RPRD2: variants seen among roughly 807,000 people sequenced by gnomAD.
RPRD2 encodes the protein regulation of nuclear pre-mRNA domain-containing protein 2.
RPRD2 carries 12 observed loss-of-function variants against 104.4 expected under a neutral mutation model. The ratio of observed to expected loss-of-function variants is 0.11; its 90% CI spans 0.07 to 0.19. The LOEUF (loss-of-function observed/expected upper bound fraction) is 0.19. Among genes scored for constraint, RPRD2 ranks in the 10% least tolerant of loss-of-function variants. The pLI, the probability that RPRD2 is intolerant of heterozygous loss-of-function variation, is 1.00. For synonymous variants in RPRD2, 714 were observed against 684.9 expected, an observed-to-expected ratio of 1.04 and a Z score of -0.66; for missense variants, 1,543 against 1,790.1, an observed-to-expected ratio of 0.86 and a Z score of 2.49.
At chr1:150,452,661 C>CTTTTTT (rs782322743) in intron 7 of RPRD2, among the ~76,000 whole-genome samples, 94 of 71,230 alleles carry the variant, frequency 1.3e-3, no homozygotes, top group Non-Finnish European at 1.6e-3. Flanking sequence ...GACATATCCC[C>CTTTTTT]TTTTTTTTTT....
chr1:150,399,137 G>A (rs1230167791), intron 1 of RPRD2, among the ~76,000 whole-genome samples: 1 of 151,962 alleles, frequency 6.6e-6, no homozygotes, highest in Non-Finnish European at 1.5e-5. Flanking sequence ...GAGTAGCTGG[G>A]ATCACAGACG....
chr1:150,456,056 C>T (rs1194818573), intron 7 of RPRD2, among the ~76,000 whole-genome samples: 3 of 152,108 alleles, frequency 2.0e-5, no homozygotes, highest in African/African-American at 7.2e-5. Context: ...TCTTGAACTC[C>T]TGGCTTCAAG....
intron 1 of RPRD2, among the ~76,000 whole-genome samples, chr1:150,372,254 C>T (rs1033362985): frequency 6.6e-6 from 1 of 152,116 alleles, no homozygotes; most frequent in African/African-American, 2.4e-5. Context: ...TTATCAAACA[C>T]CTACTGTGCC....
chr1:150,385,869 A>G (rs1661525265), intron 1 of RPRD2, among the ~76,000 whole-genome samples: 1 of 152,208 alleles, frequency 6.6e-6, no homozygotes, highest in South Asian at 2.1e-4. Flanking sequence ...ATCCTTTGTT[A>G]TAGAGGGCTT....
At chr1:150,468,879 G>GA (rs71578502) in intron 10 of RPRD2, among the ~76,000 whole-genome samples, 11,961 of 142,176 alleles carry the variant, frequency 0.084, 633 homozygotes, top group Non-Finnish European at 0.12. Flanking sequence ...CCTGTCTCTT[G>GA]AAAAAAAAAA....
At chr1:150,397,087 C>T (rs1218941905) in intron 1 of RPRD2, among the ~76,000 whole-genome samples, 2 of 152,100 alleles carry the variant, frequency 1.3e-5, no homozygotes, top group African/African-American at 4.8e-5. Context: ...AATTCTCCTA[C>T]CTCAGTCTCC....
intron 1 of RPRD2, among the ~76,000 whole-genome samples, chr1:150,414,750 A>G (rs1553888252): frequency 6.6e-6 from 1 of 152,208 alleles, no homozygotes. Context: ...CGCAACATAA[A>G]TGAGATAACA....
intron 10 of RPRD2, among the ~76,000 whole-genome samples, chr1:150,469,297 A>G (rs1668466335): frequency 6.6e-6 from 1 of 152,190 alleles, no homozygotes; most frequent in Admixed American, 6.5e-5. Flanking sequence ...ATTTTTAAAT[A>G]CAGAGACTCA....
At chr1:150,405,975 G>C (rs189137107) in intron 1 of RPRD2, among the ~76,000 whole-genome samples, 20 of 152,282 alleles carry the variant, frequency 1.3e-4, no homozygotes, top group African/African-American at 4.8e-4. Context: ...ATATGCCAAA[G>C]AAAAGCCGTT....
intron 1 of RPRD2, among the ~76,000 whole-genome samples, chr1:150,377,366 C>A (rs940788396): frequency 3.3e-5 from 5 of 151,796 alleles, no homozygotes; most frequent in African/African-American, 1.2e-4. Flanking sequence ...TTTGGGAGGC[C>A]GAGGCGGGCG....
At chr1:150,376,937 G>A (rs945682614) in intron 1 of RPRD2, among the ~76,000 whole-genome samples, 11 of 151,578 alleles carry the variant, frequency 7.3e-5, no homozygotes, top group African/African-American at 2.4e-4. Flanking sequence ...CTGGCCGGGC[G>A]CTGTGGCTCA....
At chr1:150,392,141 G>A (rs1023072657) in intron 1 of RPRD2, among the ~76,000 whole-genome samples, 1 of 151,596 alleles carries the variant, frequency 6.6e-6, no homozygotes, top group Non-Finnish European at 1.5e-5. Flanking sequence ...AGCCAGGATC[G>A]CACCACTACA....
At chr1:150,463,215 C>T (rs1195007787) in intron 9 of RPRD2, among the ~76,000 whole-genome samples, 4 of 152,026 alleles carry the variant, frequency 2.6e-5, no homozygotes, top group South Asian at 4.1e-4. Context: ...CCCAGCTACT[C>T]GGGAGGCAAA....
chr1:150,427,599 G>A (rs1177803362), intron 2 of RPRD2, among the ~76,000 whole-genome samples: 7 of 152,078 alleles, frequency 4.6e-5, no homozygotes, highest in African/African-American at 1.7e-4. Flanking sequence ...AGGAGTTTGA[G>A]ACCAACCTAA....
In RPRD2 at chr1:150,471,302, C is replaced by G; in HGVS notation, c.2354C>G (p.Ser785Cys). 1 of 1,613,798 alleles carries G rather than the reference C, an allele frequency of 6.2e-7. No individual in the cohort carries two copies. Among genetic ancestry groups the G allele is most frequent in the East Asian group, 2.2e-5 (1 of 44,896 alleles). Residue 785 changes from serine to cysteine, a missense_variant, in exon 11 of 11, where the codon TCT (serine) becomes TGT (cysteine). Ser to Cys is a moderately radical substitution (Grantham distance 112, BLOSUM62 -1). Coordinates refer to ENST00000369068, the MANE Select transcript of RPRD2 (RefSeq NM_015203.5). The surrounding 1 kb of genome is among the most constrained non-coding windows in gnomAD (Gnocchi z 5.3). ...AGCTACCCCCGAGAGCTCTCCAATT[C>G]TGTATCTACATATCGACCCTTTGGT... ...DESYPRELSNSVSTYRPFGLG... is the reference protein window; with the variant it reads ...DESYPRELSNCVSTYRPFGLG...
chr1:150,372,045 A>G (rs782235638), intron 1 of RPRD2, among the ~76,000 whole-genome samples: 109 of 152,218 alleles, frequency 7.2e-4, no homozygotes, highest in Non-Finnish European at 1.2e-3. Context: ...CGTCTAGGTA[A>G]AAACCTTTCT....
At chr1:150,389,825 T>A (rs782557079) in intron 1 of RPRD2, among the ~76,000 whole-genome samples, 2 of 151,620 alleles carry the variant, frequency 1.3e-5, no homozygotes, top group African/African-American at 2.4e-5. Context: ...AAGTAAAGAG[T>A]CAGCTGAAAC....
intron 1 of RPRD2, among the ~76,000 whole-genome samples, chr1:150,368,154 A>G (rs1337604827): frequency 6.8e-6 from 1 of 147,732 alleles, no homozygotes; most frequent in African/African-American, 2.5e-5. Context: ...TTTAGATCAA[A>G]TCTCAACTAT....
At chr1:150,441,091 A>C in intron 3 of RPRD2, 68 bp downstream of exon 3, 3 of 753,110 alleles carry the variant, frequency 4.0e-6, no homozygotes, top group Non-Finnish European at 4.4e-6. Context: ...AATTTTATAG[A>C]TCTGGTCATG....
Sources: gnomAD v4.1 joint callset for allele counts (sites outside exome capture counted in the v4.1 genomes callset) on GRCh38, gnomAD v4.1.1 for gene constraint, Gnocchi (gnomAD v3.1) non-coding constraint, MANE v1.5 for transcripts, NCBI Gene and HGNC (gene_info 2026-07-23, HGNC 2026-07-21) for gene names.